The following WAC variants were observed in gnomAD, a reference collection of about 807,000 sequenced individuals.
The protein encoded by WAC is WW domain containing adaptor with coiled-coil.
Under a neutral mutation model 79.6 loss-of-function variants are expected in WAC, and 11 were observed. The ratio of observed to expected loss-of-function variants is 0.14; its 90% CI spans 0.09 to 0.23. The LOEUF is 0.23. Ranked by LOEUF, WAC falls within the 10% of genes least tolerant of loss-of-function variation. The pLI is 1.00. For missense variants in WAC, 728 were observed against 773.5 expected (o/e 0.94, Z 0.70); for synonymous variants, 304 against 276.9 (o/e 1.10, Z -0.97).
At chr10:28,533,931 T>G in intron 1 of WAC, 67 bp from the exon 2 acceptor site, 2 of 1,581,504 alleles carry the variant, frequency 1.3e-6, no homozygotes, top group Non-Finnish European at 1.7e-6. Context: ...GGGGCCCCGT[T>G]TTCTTCCTCC....
At chr10:28,592,543 C>T (rs563014502) in intron 6 of WAC, among the ~76,000 whole-genome samples, 1 of 152,206 alleles carries the variant, frequency 6.6e-6, no homozygotes, top group Non-Finnish European at 1.5e-5. Context: ...ATCGCTTGAA[C>T]CCAGGAGGTG....
At chr10:28,562,116 G>A (rs1226269413) in intron 3 of WAC, among the ~76,000 whole-genome samples, 2 of 152,164 alleles carry the variant, frequency 1.3e-5, no homozygotes, top group African/African-American at 2.4e-5. Context: ...GGAGTGCAGT[G>A]GCGCCATCTT....
chr10:28,593,427 T>C (rs962914996), intron 6 of WAC, among the ~76,000 whole-genome samples: 3 of 152,150 alleles, frequency 2.0e-5, no homozygotes, highest in Non-Finnish European at 4.4e-5. Context: ...ATGAGGTTTT[T>C]GTTTTTGTTT....
intron 3 of WAC, among the ~76,000 whole-genome samples, chr10:28,562,612 T>C (rs1838363031): frequency 6.6e-6 from 1 of 151,974 alleles, no homozygotes; most frequent in Non-Finnish European, 1.5e-5. Flanking sequence ...TTTCAGAACA[T>C]ATTTTTATGA....
chr10:28,534,241 G>C lies in WAC; in HGVS notation c.78+207G>C, dbSNP rs1836483856. On this transcript the variant is annotated intron_variant, in intron 2 of 13. Transcript: ENST00000354911. ...AGTGACTTATTTTGACAGGTGACTG[G>C]AGGGAGTTCGCTGATTTAGGAAAAA... 5 of 456,794 alleles carry C rather than the reference G, an allele frequency of 1.1e-5. No individual in the cohort carries two copies. In the East Asian group the frequency reaches 1.8e-4, roughly 16 times the overall value. 28.3% of individuals were successfully genotyped at this position (456,794 alleles called of 1,614,324 possible). A position where few individuals can be genotyped will look rare whatever the true frequency, so the allele number is the denominator to read the frequency against.
chr10:28,536,298 T>C (rs1836669183), intron 3 of WAC, among the ~76,000 whole-genome samples: 1 of 151,694 alleles, frequency 6.6e-6, no homozygotes, highest in Non-Finnish European at 1.5e-5. Flanking sequence ...AATGCATTTA[T>C]GAATATAGTT....
Position 28,590,743 on chromosome 10 carries a change from A to T in WAC, c.521A>T (p.Asn174Ile). The change falls in exon 6 of 14, where the codon AAC (asparagine) becomes ATC (isoleucine). Residue 174 changes from asparagine to isoleucine, a missense_variant. Around this residue, in one of 3 missense-constraint regions of WAC, gnomAD observed 648 missense variants for 661.5 expected, o/e 0.98. Coordinates refer to ENST00000354911, the MANE Select transcript of WAC (RefSeq NM_016628.5). ...LEREQRQKEA[N>I]KMAVNSFPKD... ...AGAGAACAGAGACAAAAAGAAGCAA[A>T]CAAGATGGCAGTCAACAGCTTCCCA... 1 of 1,608,498 alleles carries T rather than the reference A, an allele frequency of 6.2e-7. No individual in the cohort carries two copies. The highest frequency in any genetic ancestry group is 8.5e-7 in the Non-Finnish European group (1 of 1,178,054).
chr10:28,600,708 A>G (rs1412519468), intron 7 of WAC, among the ~76,000 whole-genome samples: 1 of 152,176 alleles, frequency 6.6e-6, no homozygotes, highest in East Asian at 1.9e-4. Context: ...CTTTTTAAAA[A>G]TTAATAAATT....
In WAC at chr10:28,590,744, C is replaced by A. The variant is rs774791096; in HGVS notation, c.522C>A (p.Asn174Lys). ...LEREQRQKEANKMAVNSFPKD... is the reference protein window; with the variant it reads ...LEREQRQKEAKKMAVNSFPKD... ...GAGAACAGAGACAAAAAGAAGCAAA[C>A]AAGATGGCAGTCAACAGCTTCCCAA... The change falls in exon 6 of 14, where the codon AAC (asparagine) becomes AAA (lysine). Residue 174 changes from asparagine (N) to lysine (K), a missense_variant. Coordinates refer to ENST00000354911, the MANE Select transcript of WAC (RefSeq NM_016628.5). The A allele has an allele frequency of 6.2e-7, 1 of 1,608,236 alleles. No individual in the cohort carries two copies. Among genetic ancestry groups the A allele is most frequent in the South Asian group, 1.1e-5 (1 of 89,324 alleles).
chr10:28,538,974 CT>C (rs1836849566), intron 3 of WAC, among the ~76,000 whole-genome samples: 1 of 151,272 alleles, frequency 6.6e-6, no homozygotes, highest in African/African-American at 2.4e-5. Context: ...ATGTAAAAAA[CT>C]TAAGATTACA....
chr10:28,554,291 C>G (rs544857824), intron 3 of WAC, among the ~76,000 whole-genome samples: 1 of 152,244 alleles, frequency 6.6e-6, no homozygotes, highest in South Asian at 2.1e-4. Flanking sequence ...GAACCAGTCT[C>G]CCATGGATAC....
rs34562281 is a variant in WAC, at chr10:28,590,311, C to CA, written c.498-385dup. 2.8e-3 allele frequency among the ~76,000 whole-genome samples: 291 copies of CA among 103,224 alleles called. 2 individuals are homozygous for CA. Among genetic ancestry groups the CA allele is most frequent in the Admixed American group, 5.6e-3 (54 of 9,632 alleles). 67.7% of individuals were successfully genotyped at this position (103,224 alleles called of 152,430 possible). Reference sequence around the variant, plus strand: ...TGAGCAACAGAGCAAGATGCTATCTCAAAAAAAAAAAAAAAAAAAAAAAAT... The same window carrying CA: ...TGAGCAACAGAGCAAGATGCTATCTCAAAAAAAAAAAAAAAAAAAAAAAAAT... On this transcript the variant is annotated intron_variant, in intron 5 of 13. Coordinates refer to ENST00000354911, the MANE Select transcript of WAC (RefSeq NM_016628.5).
At chr10:28,608,960 C>T (rs191451804) in intron 8 of WAC, among the ~76,000 whole-genome samples, 4 of 152,162 alleles carry the variant, frequency 2.6e-5, no homozygotes, top group African/African-American at 9.6e-5. Context: ...TTATTTAATT[C>T]CAGCCTTGCT....
Position 28,621,378 on chromosome 10 carries a change from G to A in WAC, c.*1772G>A, listed in dbSNP as rs1331259681. On this transcript the variant is annotated 3_prime_UTR_variant, in exon 14 of 14. Coordinates refer to ENST00000354911, the MANE Select transcript of WAC (RefSeq NM_016628.5). ...CTTGTGCTTTAAGCATATATTGAAA[G>A]TATGGAAGTTAAATGTTCAGGCTTT... is the stretch of plus-strand genomic sequence containing the variant. 6.6e-6 allele frequency: 1 copy of A among 152,058 alleles called. No individual in the cohort carries two copies. Among genetic ancestry groups the A allele is most frequent in the East Asian group, 1.9e-4 (1 of 5,198 alleles). The allele number at this position is 152,058 out of a possible 1,614,324, so 9.4% of individuals were successfully genotyped here. A position where few individuals can be genotyped will look rare whatever the true frequency, so the allele number is the denominator to read the frequency against.
intron 3 of WAC, among the ~76,000 whole-genome samples, chr10:28,557,788 T>C (rs534885042): frequency 7.2e-5 from 11 of 152,254 alleles, no homozygotes; most frequent in Admixed American, 1.3e-4. Flanking sequence ...GAAAATACTC[T>C]TAGGGGTCAG....
At chr10:28,583,567 A>AAATAC in intron 4 of WAC, 62 bp downstream of exon 4, 2 of 1,197,624 alleles carry the variant, frequency 1.7e-6, no homozygotes, top group Non-Finnish European at 2.3e-6. Flanking sequence ...AAAAAAAAAA[A>AAATAC]ATACAACCCA....
At chr10:28,576,922 GT>G (rs1297763933) in intron 3 of WAC, among the ~76,000 whole-genome samples, 4 of 151,778 alleles carry the variant, frequency 2.6e-5, no homozygotes, top group African/African-American at 9.7e-5. Context: ...TTTTGCATTT[GT>G]TTTTTTACCT....
intron 3 of WAC, among the ~76,000 whole-genome samples, chr10:28,582,523 C>A (rs1342604404): frequency 6.6e-6 from 1 of 152,084 alleles, no homozygotes; most frequent in Non-Finnish European, 1.5e-5. Flanking sequence ...CTTTGCACTT[C>A]TAGTTTTTGT....
chr10:28,542,868 C>T (rs1372840754), intron 3 of WAC, among the ~76,000 whole-genome samples: 2 of 152,194 alleles, frequency 1.3e-5, no homozygotes, highest in Non-Finnish European at 2.9e-5. Context: ...AATGTTATAG[C>T]AGAACTGACT....
Sources: allele counts gnomAD v4.1 joint callset (sites outside exome capture counted in the v4.1 genomes callset), GRCh38; gene constraint gnomAD v4.1.1; regional missense constraint gnomAD v4.1.1; transcripts MANE v1.5; gene names NCBI Gene and HGNC (gene_info 2026-07-23, HGNC 2026-07-21).